ACVR2A: variants seen among roughly 807,000 people sequenced by gnomAD.
ACVR2A encodes activin receptor type-2A.
ACVR2A carries 7 observed loss-of-function variants against 61.4 expected under a neutral mutation model. The ratio of observed to expected loss-of-function variants is 0.11; its 90% CI spans 0.06 to 0.21. The LOEUF (loss-of-function observed/expected upper bound fraction) is 0.21, where lower values mean the gene tolerates loss of function less well. Ranked by LOEUF, ACVR2A falls within the 10% of genes least tolerant of loss-of-function variation. The pLI is 1.00. For missense variants in ACVR2A, 322 were observed against 621.7 expected (o/e 0.52, Z 5.13); for synonymous variants, 193 against 208.3 (o/e 0.93, Z 0.63).
chr2:147,884,815 T>G (rs1171471591), intron 1 of ACVR2A, among the ~76,000 whole-genome samples: 5 of 152,170 alleles, frequency 3.3e-5, no homozygotes, highest in African/African-American at 4.8e-5. Context: ...TATAGTGTCC[T>G]GAGTTTTGTT....
chr2:147,870,738 C>T (rs1406201937), intron 1 of ACVR2A, among the ~76,000 whole-genome samples: 1 of 152,114 alleles, frequency 6.6e-6, no homozygotes, highest in Non-Finnish European at 1.5e-5. Context: ...ATTTTTCCTT[C>T]TTCCCTTTTA....
At chr2:147,911,540 G>T (rs144568930) in intron 4 of ACVR2A, among the ~76,000 whole-genome samples, 2 of 152,044 alleles carry the variant, frequency 1.3e-5, no homozygotes, top group East Asian at 1.9e-4. Context: ...TCACAAGCAC[G>T]CCTTTCATAT....
In ACVR2A at chr2:147,929,805, T is replaced by TTCCTCATGTGTATGGTGC. The variant is rs1159622497; in HGVS notation, c.*2540_*2557dup. ...AAACTGAGACCCCCCAAATAACTCT[T>TTCCTCATGTGTATGGTGC]TCCTCATGTGTATGGTGCTCCTCAT... On this transcript the variant is annotated 3_prime_UTR_variant, in exon 11 of 11. Coordinates refer to ENST00000241416, the MANE Select transcript of ACVR2A (RefSeq NM_001616.5). 6.6e-6 allele frequency: 1 copy of TTCCTCATGTGTATGGTGC among 152,334 alleles called. No homozygotes were observed. Among genetic ancestry groups the TTCCTCATGTGTATGGTGC allele is most frequent in the African/African-American group, 2.4e-5 (1 of 41,380 alleles). 9.4% of individuals were successfully genotyped at this position (152,334 alleles called of 1,614,324 possible).
At chr2:147,855,421 T>G (rs1478337369) in intron 1 of ACVR2A, among the ~76,000 whole-genome samples, 1 of 152,154 alleles carries the variant, frequency 6.6e-6, no homozygotes, top group African/African-American at 2.4e-5. Flanking sequence ...CAAATGGCAG[T>G]GTGAAGCAAA....
intron 8 of ACVR2A, among the ~76,000 whole-genome samples, chr2:147,922,295 G>A (rs758564808): frequency 6.6e-6 from 1 of 151,982 alleles, no homozygotes. Flanking sequence ...AGGATGGAGC[G>A]TTATGGACGT....
chr2:147,913,822 C>CAAAAAAAAAAAAAA (rs575237522), intron 4 of ACVR2A, among the ~76,000 whole-genome samples: 1 of 61,782 alleles, frequency 1.6e-5, no homozygotes, highest in African/African-American at 8.0e-5. Flanking sequence ...AACTTGTAGA[C>CAAAAAAAAAAAAAA]AAAAAAAAAA....
intron 4 of ACVR2A, among the ~76,000 whole-genome samples, chr2:147,906,673 T>G (rs1475451423): frequency 6.6e-6 from 1 of 152,166 alleles, no homozygotes; most frequent in Non-Finnish European, 1.5e-5. Flanking sequence ...AAATTATTGT[T>G]GATATATGTT....
chr2:147,865,338 T>A (rs1685826427), intron 1 of ACVR2A, among the ~76,000 whole-genome samples: 1 of 152,232 alleles, frequency 6.6e-6, no homozygotes, highest in Non-Finnish European at 1.5e-5. Flanking sequence ...ACTGTTAACC[T>A]AAAGTAAGTG....
At position 147,886,081 on chromosome 2, in the gene ACVR2A, G is replaced by T. The variant is rs562853892; in HGVS notation, c.56-10220G>T. On this transcript the variant is annotated intron_variant, in intron 1 of 10. Coordinates refer to ENST00000241416, the MANE Select transcript of ACVR2A (RefSeq NM_001616.5). ...GTATACATTTACTGATTGATGCCAT[G>T]AAAGATTGTACTATACCAGAATTTT... Among the ~76,000 whole-genome samples the T allele has an allele frequency of 2.6e-5, 4 of 152,142 alleles. No homozygotes were observed. The South Asian group carries it at 8.3e-4, about 32-fold the overall frequency.
At chr2:147,922,759 A>G (rs1278121518) in intron 8 of ACVR2A, among the ~76,000 whole-genome samples, 1 of 152,100 alleles carries the variant, frequency 6.6e-6, no homozygotes, top group African/African-American at 2.4e-5. Flanking sequence ...ACATCCAGAA[A>G]GGGGAACATA....
intron 4 of ACVR2A, among the ~76,000 whole-genome samples, chr2:147,910,154 T>C (rs568007176): frequency 1.3e-5 from 2 of 152,276 alleles, no homozygotes; most frequent in South Asian, 4.1e-4. Flanking sequence ...ATAGTTGATA[T>C]TTTGAGGCTT....
At chr2:147,888,619 G>A (rs1573680960) in intron 1 of ACVR2A, among the ~76,000 whole-genome samples, 2 of 149,592 alleles carry the variant, frequency 1.3e-5, no homozygotes, top group East Asian at 2.0e-4. Flanking sequence ...TTTGTGTTTC[G>A]TTCATCTATC....
chr2:147,909,641 T>C (rs1687068696), intron 4 of ACVR2A, among the ~76,000 whole-genome samples: 1 of 152,100 alleles, frequency 6.6e-6, no homozygotes, highest in South Asian at 2.1e-4. Context: ...TTATTTTGCT[T>C]TATTTTTATT....
intron 4 of ACVR2A, among the ~76,000 whole-genome samples, chr2:147,911,875 G>T (rs965221533): frequency 1.3e-5 from 2 of 151,916 alleles, no homozygotes; most frequent in Non-Finnish European, 2.9e-5. Context: ...CCTTGTATTG[G>T]TTAATTTTTA....
At chr2:147,849,062 C>T (rs536446200) in intron 1 of ACVR2A, among the ~76,000 whole-genome samples, 2 of 152,030 alleles carry the variant, frequency 1.3e-5, no homozygotes, top group African/African-American at 2.4e-5. Context: ...TGATGAAATG[C>T]TTGAGAATTC....
intron 1 of ACVR2A, among the ~76,000 whole-genome samples, chr2:147,862,262 G>A (rs1685743425): frequency 6.6e-6 from 1 of 151,952 alleles, no homozygotes; most frequent in South Asian, 2.1e-4. Context: ...GCACCAAAGC[G>A]AACTCTAATT....
chr2:147,887,015 G>A (rs570825308), intron 1 of ACVR2A, among the ~76,000 whole-genome samples: 32 of 151,650 alleles, frequency 2.1e-4, no homozygotes, highest in Non-Finnish European at 3.7e-4. Flanking sequence ...GTTCAAGACC[G>A]GTCTGGGCAA....
At chr2:147,917,556 A>G (rs189222182) in intron 6 of ACVR2A, 130 bp downstream of exon 6, 228 of 1,052,208 alleles carry the variant, frequency 2.2e-4, no homozygotes, top group Non-Finnish European at 2.8e-4. Context: ...GAAAATAAAA[A>G]TCATTCTTGA....
intron 1 of ACVR2A, among the ~76,000 whole-genome samples, chr2:147,879,522 A>T (rs1686243201): frequency 6.6e-6 from 1 of 152,202 alleles, no homozygotes; most frequent in Non-Finnish European, 1.5e-5. Context: ...CCACTCCATT[A>T]TCTCACCTAT....
Sources: gnomAD v4.1 joint callset for allele counts (sites outside exome capture counted in the v4.1 genomes callset) on GRCh38, gnomAD v4.1.1 for gene constraint, MANE v1.5 for transcripts, NCBI Gene and HGNC (gene_info 2026-07-23, HGNC 2026-07-21) for gene names.